The following XKR6 variants were observed in gnomAD, a reference collection of about 807,000 sequenced individuals.
The protein encoded by XKR6 is XK related 6.
In XKR6, 22 loss-of-function variants were observed where a neutral mutation model predicts 56.7. That is an observed-to-expected ratio of 0.39 (90% confidence interval 0.28 to 0.55). The LOEUF (loss-of-function observed/expected upper bound fraction) is 0.55. Ranked by LOEUF, XKR6 falls within the 20% of genes least tolerant of loss-of-function variation. The pLI, the probability that XKR6 is intolerant of heterozygous loss-of-function variation, is 0.66. For missense variants in XKR6, 852 were observed against 889.0 expected (o/e 0.96, Z 0.53); for synonymous variants, 524 against 387.8 (o/e 1.35, Z -4.13).
chr8:11,076,518 G>T (rs1586512676), intron 1 of XKR6, among the ~76,000 whole-genome samples: 1 of 152,334 alleles, frequency 6.6e-6, no homozygotes, highest in South Asian at 2.1e-4. Flanking sequence ...CCTGGAGTCA[G>T]GCCAGGGACT....
intron 1 of XKR6, among the ~76,000 whole-genome samples, chr8:11,017,872 G>C (rs553071591): frequency 1.3e-5 from 2 of 152,334 alleles, no homozygotes; most frequent in Non-Finnish European, 2.9e-5. Flanking sequence ...TGAGATGACA[G>C]TGGGTGCTGG....
intron 1 of XKR6, among the ~76,000 whole-genome samples, chr8:11,013,908 TC>T (rs1258255875): frequency 6.6e-6 from 1 of 152,012 alleles, no homozygotes; most frequent in Non-Finnish European, 1.5e-5. Flanking sequence ...CATGGGAGGG[TC>T]CCTGTGAAGC....
chr8:10,942,372 C>A (rs1423463373), intron 1 of XKR6, among the ~76,000 whole-genome samples: 1 of 152,214 alleles, frequency 6.6e-6, no homozygotes, highest in African/African-American at 2.4e-5. Flanking sequence ...TACGTGTGGA[C>A]ACACAGTCAC....
chr8:11,198,458 A>G (rs1266867393), intron 1 of XKR6, among the ~76,000 whole-genome samples: 1 of 152,146 alleles, frequency 6.6e-6, no homozygotes, highest in Non-Finnish European at 1.5e-5. Flanking sequence ...ATGTAAAAAA[A>G]AAACTAGACA....
At chr8:10,958,297 T>C (rs10101503) in intron 1 of XKR6, among the ~76,000 whole-genome samples, 27,455 of 152,210 alleles carry the variant, frequency 0.18, 3,255 homozygotes, top group African/African-American at 0.34. Flanking sequence ...AACAGAGGCC[T>C]GAGTGCTGGG....
chr8:10,903,218 C>A (rs1343659087), intron 2 of XKR6, among the ~76,000 whole-genome samples: 1 of 152,200 alleles, frequency 6.6e-6, no homozygotes, highest in Admixed American at 6.5e-5. Flanking sequence ...GTTCATGGCT[C>A]AGCCACTTCT....
chr8:10,920,605 T>C (rs763425786), intron 2 of XKR6, among the ~76,000 whole-genome samples: 16 of 152,252 alleles, frequency 1.1e-4, no homozygotes, highest in Admixed American at 5.2e-4. Context: ...TTAAGGCTTG[T>C]ACATTTCCTG....
rs143189189 is a variant in XKR6, at chr8:11,042,348, T to C, written c.765-117518A>G. 4.4e-3 allele frequency among the ~76,000 whole-genome samples: 666 copies of C among 152,138 alleles called. 1 individual carries two copies. Among genetic ancestry groups the C allele is most frequent in the Middle Eastern group, 0.014 (4 of 294 alleles). ...AACTGTAGCTCCCATAATCCCCACA[T>C]GTCATGGGAGGGACCCGGTGGGAGG... On this transcript the variant is annotated intron_variant, in intron 1 of 2. Transcript: ENST00000416569.
At chr8:11,042,009 C>A (rs1420903459) in intron 1 of XKR6, among the ~76,000 whole-genome samples, 3 of 152,162 alleles carry the variant, frequency 2.0e-5, no homozygotes, top group African/African-American at 7.2e-5. Flanking sequence ...CCCACTTGGC[C>A]TCCCAAAGGT....
chr8:10,982,620 G>C (rs762940840), intron 1 of XKR6, among the ~76,000 whole-genome samples: 1 of 152,192 alleles, frequency 6.6e-6, no homozygotes, highest in Non-Finnish European at 1.5e-5. Context: ...TGAGAAGTCC[G>C]GGAGATATCT....
chr8:11,028,749 T>G (rs1338215486), intron 1 of XKR6, among the ~76,000 whole-genome samples: 1 of 152,196 alleles, frequency 6.6e-6, no homozygotes, highest in African/African-American at 2.4e-5. Flanking sequence ...AGCTGGGAAC[T>G]GGGCAGAGGT....
At chr8:11,094,802 C>T (rs1725874077) in intron 1 of XKR6, among the ~76,000 whole-genome samples, 1 of 152,174 alleles carries the variant, frequency 6.6e-6, no homozygotes, top group African/African-American at 2.4e-5. Context: ...GTTACTTACC[C>T]AAAGCCCAGG....
At chr8:11,197,387 A>C (rs1803948883) in intron 1 of XKR6, among the ~76,000 whole-genome samples, 1 of 152,222 alleles carries the variant, frequency 6.6e-6, no homozygotes, top group African/African-American at 2.4e-5. Context: ...CAGAAAGGAA[A>C]ACTTGCATAC....
At chr8:10,990,743 T>C (rs577035524) in intron 1 of XKR6, among the ~76,000 whole-genome samples, 7 of 151,100 alleles carry the variant, frequency 4.6e-5, no homozygotes, top group Admixed American at 1.3e-4. Flanking sequence ...CCATGCCCAG[T>C]TAATGTTTAA....
intron 1 of XKR6, among the ~76,000 whole-genome samples, chr8:10,989,362 A>G (rs1405329373): frequency 6.6e-6 from 1 of 152,222 alleles, no homozygotes; most frequent in Admixed American, 6.5e-5. Context: ...TTCCATGGTG[A>G]TTTACCATAG....
At chr8:11,059,067 C>G (rs558006657) in intron 1 of XKR6, among the ~76,000 whole-genome samples, 2 of 149,476 alleles carry the variant, frequency 1.3e-5, no homozygotes, top group Admixed American at 1.3e-4. Flanking sequence ...GGACCAGGCT[C>G]TCACCCACCT....
chr8:10,928,658 A>ATCTCATCCCACAGGCCCGCGG (rs1800968712), intron 1 of XKR6, among the ~76,000 whole-genome samples: 2 of 152,158 alleles, frequency 1.3e-5, no homozygotes, highest in Middle Eastern at 3.2e-3. Context: ...CAGGCAAGTG[A>ATCTCATCCCACAGGCCCGCGG]TCTCATCCCA....
chr8:11,133,158 T>C (rs1042924666), intron 1 of XKR6, among the ~76,000 whole-genome samples: 1 of 152,096 alleles, frequency 6.6e-6, no homozygotes, highest in African/African-American at 2.4e-5. Context: ...AATTGAAACC[T>C]AAACGCACAT....
At chr8:11,126,818 C>T (rs1439302133) in intron 1 of XKR6, among the ~76,000 whole-genome samples, 2 of 152,046 alleles carry the variant, frequency 1.3e-5, no homozygotes, top group Non-Finnish European at 2.9e-5. Context: ...ATCCTGGGGC[C>T]GATGTATGTG....
Sources: gnomAD v4.1 joint callset for allele counts (sites outside exome capture counted in the v4.1 genomes callset) on GRCh38, gnomAD v4.1.1 for gene constraint, MANE v1.5 for transcripts, NCBI Gene and HGNC (gene_info 2026-07-23, HGNC 2026-07-21) for gene names.